XRN1: variants seen among roughly 807,000 people sequenced by gnomAD.
The protein encoded by XRN1 is strand-exchange protein 1 homolog.
A neutral mutation model predicts 222.3 loss-of-function variants in XRN1; 67 were observed. The observed-to-expected ratio is 0.30, with a 90% confidence interval of 0.25 to 0.37. The LOEUF is 0.37. XRN1 is among the 10% of genes least tolerant of loss of function. The pLI, the probability that XRN1 is intolerant of heterozygous loss-of-function variation, is 1.00. For missense variants in XRN1, 1,707 were observed against 2,000.2 expected (o/e 0.85, Z 2.80); for synonymous variants, 643 against 652.4 (o/e 0.99, Z 0.22).
chr3:142,416,199 C>CAA (rs771359493), intron 13 of XRN1, among the ~76,000 whole-genome samples: 1 of 152,034 alleles, frequency 6.6e-6, no homozygotes, highest in Non-Finnish European at 1.5e-5. Context: ...ATTTGAGAGA[C>CAA]AGAGTCTTGT....
At chr3:142,412,943 T>G (rs1342742009) in intron 14 of XRN1, among the ~76,000 whole-genome samples, 2 of 152,194 alleles carry the variant, frequency 1.3e-5, no homozygotes, top group African/African-American at 4.8e-5. Flanking sequence ...TATTTTTTCT[T>G]GTTTTTTCAC....
intron 27 of XRN1, among the ~76,000 whole-genome samples, chr3:142,369,424 A>G: frequency 6.6e-6 from 1 of 151,954 alleles, no homozygotes; most frequent in Non-Finnish European, 1.5e-5. Context: ...AGGCAGGTGG[A>G]TCACCTGAGG....
rs1371201816 is a variant in XRN1 at position 142,447,972 on chromosome 3, G to A, written c.-28C>T. ...CGATCGTCAACACTAATCCCAGTCA[G>A]GGCCAAACCGAAACCAAACGCCCCG... On this transcript the variant is annotated 5_prime_UTR_variant, in exon 1 of 41. Transcript: ENST00000392981. This position sits in a 1 kb window ranked among gnomAD's most constrained non-coding sequence, Gnocchi z 4.2. 6 of 1,610,802 alleles carry A rather than the reference G, an allele frequency of 3.7e-6. No individual in the cohort carries two copies. The highest frequency in any genetic ancestry group is 2.7e-5 in the African/African-American group (2 of 74,596).
chr3:142,397,327 A>G lies in XRN1; in HGVS notation c.2339+2T>C. On this transcript the variant is annotated splice_donor_variant, in intron 20 of 40. Coordinates refer to ENST00000392981, the MANE Select transcript of XRN1 (RefSeq NM_001282857.2). LOFTEE classifies it high-confidence loss of function. ...ATATTAAATACTTTTAACGATACTCACTGTTCTGAAATTCCTTGTACTTCT... is the reference window on the plus strand; with the variant it reads ...ATATTAAATACTTTTAACGATACTCGCTGTTCTGAAATTCCTTGTACTTCT... 1 of 1,583,274 alleles carries G rather than the reference A, an allele frequency of 6.3e-7. No individual in the cohort carries two copies. The highest frequency in any genetic ancestry group is 8.6e-7 in the Non-Finnish European group (1 of 1,166,332).
chr3:142,447,799 G>C lies in XRN1; in HGVS notation c.75+71C>G, dbSNP rs372139564. On this transcript the variant is annotated intron_variant, in intron 1 of 40. Transcript: ENST00000392981. The surrounding 1 kb of genome is among the most constrained non-coding windows in gnomAD (Gnocchi z 4.2). ...GGAAAGAGGTGGCTCGAAAGCCCCA[G>C]CTCTAAGGTGGAGAGGGCCGCGGAG... 6.4e-7 allele frequency: 1 copy of C among 1,557,374 alleles called. No homozygotes were observed. Among genetic ancestry groups the C allele is most frequent in the South Asian group, 1.1e-5 (1 of 89,470 alleles).
Position 142,422,697 on chromosome 3 carries a change from C to T in XRN1, c.852G>A (p.Leu284=). The T allele has an allele frequency of 9.3e-6, 15 of 1,612,312 alleles. No homozygotes were observed. Among genetic ancestry groups the T allele is most frequent in the Non-Finnish European group, 1.3e-5 (15 of 1,178,550 alleles). Residue 284 remains leucine (L), a synonymous_variant, in exon 8 of 41, where the codon TTG becomes TTA. Transcript: ENST00000392981. ...AATCATTACCAACAAGAAACCCCAT[C>T]AAAATCCAATCATCTATTATCCTTT... The part of the protein sequence containing the change: ...DIERIIDDWI[L]MGFLVGNDFI...
Position 142,378,000 on chromosome 3 carries a change from TG to T in XRN1, c.2716-1407del, listed in dbSNP as rs1334286810. On this transcript the variant is annotated intron_variant, in intron 23 of 40. Transcript: ENST00000392981. ...GCCTTCCATACATAAAGTTTCCTCA[TG>T]GGTGTGCTGATACATAATGCCTTAA... is the stretch of plus-strand genomic sequence containing the variant. Among the ~76,000 whole-genome samples, 3 of 152,322 alleles carry T rather than the reference TG, an allele frequency of 2.0e-5. No homozygotes were observed. The East Asian group carries it at 5.8e-4, about 29-fold the overall frequency.
intron 33 of XRN1, 110 bp downstream of exon 33, chr3:142,347,124 C>T (rs1219231169): frequency 6.0e-6 from 5 of 826,576 alleles, no homozygotes; most frequent in African/African-American, 5.4e-5. Context: ...TTATCGTATA[C>T]TTTAAAATAA....
intron 2 of XRN1, among the ~76,000 whole-genome samples, chr3:142,428,824 T>A (rs1383853498): frequency 6.6e-6 from 1 of 152,192 alleles, no homozygotes; most frequent in East Asian, 1.9e-4. Flanking sequence ...AGACATTTAG[T>A]AGGCATTTGG....
At chr3:142,343,305 C>T (rs1577254470) in intron 33 of XRN1, among the ~76,000 whole-genome samples, 1 of 151,586 alleles carries the variant, frequency 6.6e-6, no homozygotes, top group South Asian at 2.1e-4. Flanking sequence ...AATACAAAAA[C>T]TAGCCAGGCG....
chr3:142,395,025 G>A (rs1490661108), intron 20 of XRN1, among the ~76,000 whole-genome samples: 2 of 152,194 alleles, frequency 1.3e-5, no homozygotes, highest in African/African-American at 4.8e-5. Flanking sequence ...TAAGTAATAG[G>A]TTCTACATTC....
chr3:142,332,827 T>C, intron 35 of XRN1, 140 bp downstream of exon 35: 2 of 1,330,832 alleles, frequency 1.5e-6, no homozygotes, highest in South Asian at 1.7e-5. Flanking sequence ...CAGGGCAGCC[T>C]GGTTTCCTCA....
At chr3:142,377,966 G>T (rs2067191596) in intron 23 of XRN1, among the ~76,000 whole-genome samples, 1 of 152,104 alleles carries the variant, frequency 6.6e-6, no homozygotes, top group Admixed American at 6.5e-5. Flanking sequence ...TAAGATTTTA[G>T]GGATGACTGC....
intron 25 of XRN1, among the ~76,000 whole-genome samples, chr3:142,373,152 GAAAT>G (rs1181176125): frequency 6.6e-6 from 1 of 152,060 alleles, no homozygotes; most frequent in African/African-American, 2.4e-5. Context: ...TATCTTCAGA[GAAAT>G]AAATGAAGAT....
chr3:142,438,521 T>C (rs983941936), intron 1 of XRN1, among the ~76,000 whole-genome samples: 1 of 152,152 alleles, frequency 6.6e-6, no homozygotes, highest in African/African-American at 2.4e-5. Context: ...CTAATGCTCA[T>C]TGGAAAATGA....
At chr3:142,389,638 GC>G (rs2067642414) in intron 20 of XRN1, among the ~76,000 whole-genome samples, 1 of 152,254 alleles carries the variant, frequency 6.6e-6, no homozygotes, top group East Asian at 1.9e-4. Context: ...TACTGCCTCA[GC>G]CTCCCAAGTA....
chr3:142,429,433 C>A (rs2108143708), intron 2 of XRN1, among the ~76,000 whole-genome samples: 1 of 152,210 alleles, frequency 6.6e-6, no homozygotes, highest in South Asian at 2.1e-4. Flanking sequence ...CAGGTGCGAG[C>A]CACCACGCCC....
intron 30 of XRN1, among the ~76,000 whole-genome samples, chr3:142,357,845 G>A (rs2066505634): frequency 1.3e-5 from 2 of 152,080 alleles, no homozygotes; most frequent in Non-Finnish European, 2.9e-5. Context: ...AGACCAGCCT[G>A]GCAAACATGT....
intron 24 of XRN1, chr3:142,376,194 T>C: frequency 1.5e-6 from 1 of 681,258 alleles, no homozygotes; most frequent in Non-Finnish European, 2.2e-6. Context: ...TAGAGGAAAA[T>C]GAAATAACAA....
Sources: allele counts gnomAD v4.1 joint callset (sites outside exome capture counted in the v4.1 genomes callset), GRCh38; gene constraint gnomAD v4.1.1; non-coding constraint Gnocchi (gnomAD v3.1); transcripts MANE v1.5; gene names NCBI Gene and HGNC (gene_info 2026-07-23, HGNC 2026-07-21).